The following CTNND2 variants were observed in gnomAD, a reference collection of about 807,000 sequenced individuals.
The protein encoded by CTNND2 is catenin delta-2.
A neutral mutation model predicts 144.4 loss-of-function variants in CTNND2; 22 were observed. That is an observed-to-expected ratio of 0.15 (90% CI 0.11 to 0.22). CTNND2 has a LOEUF of 0.22. Ranked by LOEUF, CTNND2 falls within the 10% of genes least tolerant of loss-of-function variation. CTNND2 has a pLI of 1.00. For synonymous variants in CTNND2, 751 were observed against 695.6 expected (o/e 1.08, Z -1.25); for missense variants, 1,353 against 1,618.8 (o/e 0.84, Z 2.82).
chr5:11,853,917 C>CTCCGTG (rs1361053316), intron 1 of CTNND2, among the ~76,000 whole-genome samples: 1 of 152,222 alleles, frequency 6.6e-6, no homozygotes, highest in Admixed American at 6.5e-5. Flanking sequence ...GAACTGGTCT[C>CTCCGTG]TCCGTGTCCA....
chr5:11,883,542 GGT>G (rs1472952437), intron 1 of CTNND2, among the ~76,000 whole-genome samples: 4 of 152,158 alleles, frequency 2.6e-5, no homozygotes, highest in African/African-American at 9.7e-5. Flanking sequence ...AGTATTCCAC[GGT>G]GTATATGTGC....
At chr5:11,709,212 T>G (rs539447232) in intron 2 of CTNND2, among the ~76,000 whole-genome samples, 30 of 152,308 alleles carry the variant, frequency 2.0e-4, no homozygotes, top group Admixed American at 5.2e-4. Context: ...GCTTTCCCAC[T>G]TCTACAGCAG....
intron 3 of CTNND2, among the ~76,000 whole-genome samples, chr5:11,557,817 G>C (rs1274177996): frequency 6.6e-6 from 1 of 152,156 alleles, no homozygotes; most frequent in Admixed American, 6.5e-5. Flanking sequence ...AAGCAGCAAC[G>C]AATTTTCTTC....
chr5:11,477,400 G>A (rs1378479523), intron 3 of CTNND2, among the ~76,000 whole-genome samples: 7 of 149,584 alleles, frequency 4.7e-5, no homozygotes, highest in Non-Finnish European at 1.0e-4. Context: ...TTTTGGTGGT[G>A]TTGTTTTTGT....
chr5:11,406,514 C>T (rs1364611672), intron 5 of CTNND2, among the ~76,000 whole-genome samples: 2 of 152,066 alleles, frequency 1.3e-5, no homozygotes, highest in Non-Finnish European at 2.9e-5. Flanking sequence ...ATGCTTAACA[C>T]GAATTATGAA....
chr5:11,458,235 CTG>C lies in CTNND2; in HGVS notation c.288-46168_288-46167del, dbSNP rs531044686. Among the ~76,000 whole-genome samples, 5 of 152,222 alleles carry C rather than the reference CTG, an allele frequency of 3.3e-5. No homozygotes were observed. The South Asian group carries it at 1.0e-3, about 32-fold the overall frequency. On this transcript the variant is annotated intron_variant, in intron 3 of 21. Coordinates refer to ENST00000304623, the MANE Select transcript of CTNND2 (RefSeq NM_001332.4). ...CTTACTTAAAAGCTAAAATATATGACTGTGGATATGTAAGAGGAAGACAGGCC... is the reference window on the plus strand; with the variant it reads ...CTTACTTAAAAGCTAAAATATATGACTGGATATGTAAGAGGAAGACAGGCC...
chr5:11,737,147 T>G (rs1034094849), intron 1 of CTNND2, among the ~76,000 whole-genome samples: 2 of 152,184 alleles, frequency 1.3e-5, no homozygotes, highest in African/African-American at 4.8e-5. Context: ...TGTTAGCCAG[T>G]CCTGCTGCCA....
intron 3 of CTNND2, among the ~76,000 whole-genome samples, chr5:11,544,759 G>T (rs1378799443): frequency 4.6e-5 from 7 of 152,134 alleles, no homozygotes; most frequent in Non-Finnish European, 8.8e-5. Flanking sequence ...AAGGCCAGTG[G>T]ATCACTTGAG....
Position 11,078,313 on chromosome 5 carries a change from T to C in CTNND2, c.2788+4383A>G, listed in dbSNP as rs541588197. Reference sequence around the variant, plus strand: ...AGTAAAATAGTTAGCAAAAGTCGCATTTCCTCTCTCTTAAATACAATCCAA... The same window carrying C: ...AGTAAAATAGTTAGCAAAAGTCGCACTTCCTCTCTCTTAAATACAATCCAA... On this transcript the variant is annotated intron_variant, in intron 16 of 21. Coordinates refer to ENST00000304623, the MANE Select transcript of CTNND2 (RefSeq NM_001332.4). Among the ~76,000 whole-genome samples the C allele has an allele frequency of 2.0e-5, 3 of 152,360 alleles. No homozygotes were observed. The East Asian group carries it at 5.8e-4, about 29-fold the overall frequency.
At chr5:11,732,904 A>G (rs556420183) in intron 1 of CTNND2, among the ~76,000 whole-genome samples, 3 of 152,016 alleles carry the variant, frequency 2.0e-5, no homozygotes, top group South Asian at 2.1e-4. Context: ...CCTGCCCCCT[A>G]CGTCCTGGGG....
At chr5:11,558,531 A>G (rs1776425786) in intron 3 of CTNND2, among the ~76,000 whole-genome samples, 3 of 152,024 alleles carry the variant, frequency 2.0e-5, no homozygotes, top group Admixed American at 6.5e-5. Flanking sequence ...ACTCAAGGCT[A>G]ATTTTTTGTA....
intron 1 of CTNND2, among the ~76,000 whole-genome samples, chr5:11,754,025 C>T (rs1475099320): frequency 2.0e-5 from 3 of 151,170 alleles, no homozygotes; most frequent in African/African-American, 4.9e-5. Flanking sequence ...TGGTAATGTC[C>T]TCTTTGTTAT....
intron 3 of CTNND2, among the ~76,000 whole-genome samples, chr5:11,485,545 G>A (rs1768741798): frequency 6.6e-6 from 1 of 152,188 alleles, no homozygotes; most frequent in African/African-American, 2.4e-5. Flanking sequence ...TAAATAGCCT[G>A]TTAGTAGTAC....
At chr5:11,530,116 A>G (rs76164659) in intron 3 of CTNND2, among the ~76,000 whole-genome samples, 3,606 of 150,370 alleles carry the variant, frequency 0.024, 133 homozygotes, top group African/African-American at 0.075. Flanking sequence ...TTTTAACTCC[A>G]TAAGTGCTCA....
chr5:11,474,410 AC>A (rs1767526840), intron 3 of CTNND2, among the ~76,000 whole-genome samples: 1 of 152,232 alleles, frequency 6.6e-6, no homozygotes, highest in South Asian at 2.1e-4. Context: ...TTTTGTTATA[AC>A]AGTAAGAATC....
intron 11 of CTNND2, among the ~76,000 whole-genome samples, chr5:11,179,451 C>T (rs562179528): frequency 3.0e-4 from 46 of 152,170 alleles, no homozygotes; most frequent in African/African-American, 1.0e-3. Flanking sequence ...AACTCCTGAC[C>T]TCAGATGATC....
chr5:11,283,673 C>CAAAAAAAAAAA lies in CTNND2; in HGVS notation c.1629-46861_1629-46851dup, dbSNP rs70947250. On this transcript the variant is annotated intron_variant, in intron 9 of 21. Coordinates refer to ENST00000304623, the MANE Select transcript of CTNND2 (RefSeq NM_001332.4). ...TGGGTGAAAGAGTGAGACTCCGTCTCAAAAAAAAAAAAAAAAAAAAAAAAA... is the reference window on the plus strand; with the variant it reads ...TGGGTGAAAGAGTGAGACTCCGTCTCAAAAAAAAAAAAAAAAAAAAAAAAAAAAAAAAAAAA... Among the ~76,000 whole-genome samples the CAAAAAAAAAAA allele has an allele frequency of 8.9e-4, 28 of 31,610 alleles. 1 individual carries two copies. Among genetic ancestry groups the CAAAAAAAAAAA allele is most frequent in the Non-Finnish European group, 1.4e-3 (25 of 17,270 alleles). 20.7% of individuals were successfully genotyped at this position (31,610 alleles called of 152,430 possible).
chr5:11,455,342 T>C (rs1765638760), intron 3 of CTNND2, among the ~76,000 whole-genome samples: 1 of 152,212 alleles, frequency 6.6e-6, no homozygotes, highest in Non-Finnish European at 1.5e-5. Flanking sequence ...GTGAAAATAC[T>C]ATTCTCTGGG....
At chr5:11,452,050 C>A (rs964483218) in intron 3 of CTNND2, among the ~76,000 whole-genome samples, 1 of 152,174 alleles carries the variant, frequency 6.6e-6, no homozygotes, top group African/African-American at 2.4e-5. Flanking sequence ...TAAGGCTAAA[C>A]ATGCTTCAGG....
Sources: allele counts gnomAD v4.1 joint callset (sites outside exome capture counted in the v4.1 genomes callset), GRCh38; gene constraint gnomAD v4.1.1; transcripts MANE v1.5; gene names NCBI Gene and HGNC (gene_info 2026-07-23, HGNC 2026-07-21).